Variants in OSBPL7 observed in about 807,000 individuals in gnomAD.
OSBPL7 encodes oxysterol-binding protein-related protein 7.
A neutral mutation model predicts 115.8 loss-of-function variants in OSBPL7; 66 were observed. The ratio of observed to expected loss-of-function variants is 0.57; its 90% CI spans 0.47 to 0.70. The LOEUF is 0.70. Ranked by LOEUF, OSBPL7 falls within the 30% of genes least tolerant of loss-of-function variation. The pLI, the probability that OSBPL7 is intolerant of heterozygous loss-of-function variation, is 0.00. For synonymous variants in OSBPL7, 441 were observed against 439.2 expected, an observed-to-expected ratio of 1.00 and a Z score of -0.05; for missense variants, 902 against 1,125.5, an observed-to-expected ratio of 0.80 and a Z score of 2.84.
chr17:47,818,912 C>T (rs557000422), intron 5 of OSBPL7, 74 bp downstream of exon 5: 3 of 1,299,392 alleles, frequency 2.3e-6, no homozygotes, highest in Middle Eastern at 2.2e-4. Context: ...AGACCCTCAG[C>T]CCCTGCCCCT....
At chr17:47,809,601 C>T in intron 18 of OSBPL7, 123 bp from the exon 19 acceptor site, 1 of 1,067,672 alleles carries the variant, frequency 9.4e-7, no homozygotes, top group South Asian at 1.6e-5. Context: ...GTCCCAACTC[C>T]AGTTCTGCAG....
In OSBPL7 at chr17:47,808,950, G is replaced by T; in HGVS notation, c.2211C>A (p.Thr737=). Residue 737 remains threonine, a synonymous_variant, in exon 21 of 23, where the codon ACC becomes ACA. Coordinates refer to ENST00000007414, the MANE Select transcript of OSBPL7 (RefSeq NM_145798.3). This position sits in a 1 kb window ranked among gnomAD's most constrained non-coding sequence, Gnocchi z 6.1. ...GCTCATTCAGCTCCAAGGCAAACTG[G>T]GTGAAGCCGAAGTTTCGCTCATGGT... ...PPDHERNFGF[T]QFALELNELT... The T allele has an allele frequency of 6.2e-7, 1 of 1,614,240 alleles. No homozygotes were observed. Among genetic ancestry groups the T allele is most frequent in the Non-Finnish European group, 8.5e-7 (1 of 1,180,048 alleles).
intron 16 of OSBPL7, among the ~76,000 whole-genome samples, chr17:47,811,872 C>T (rs955464865): frequency 3.9e-5 from 6 of 152,252 alleles, no homozygotes; most frequent in African/African-American, 1.4e-4. Flanking sequence ...CTCTTCTAGA[C>T]ACACACTTCG....
intron 7 of OSBPL7, 41 bp from the exon 8 acceptor site, chr17:47,817,400 T>C: frequency 6.8e-7 from 1 of 1,464,904 alleles, no homozygotes; most frequent in Non-Finnish European, 9.4e-7. Flanking sequence ...CCATTCATTT[T>C]TTTTTTGAGA....
intron 18 of OSBPL7, 113 bp from the exon 19 acceptor site, chr17:47,809,591 G>T: frequency 1.6e-6 from 2 of 1,245,602 alleles, no homozygotes; most frequent in Non-Finnish European, 1.1e-6. Flanking sequence ...GAACCCTGGG[G>T]TCCCAACTCC....
chr17:47,813,949 C>T (rs1277352171), intron 14 of OSBPL7, 115 bp from the exon 15 acceptor site: 1 of 1,363,620 alleles, frequency 7.3e-7, no homozygotes, highest in Non-Finnish European at 9.7e-7. Context: ...ACATTCGCCC[C>T]TGAGCCCTTG....
Position 47,816,139 on chromosome 17 carries a change from C to T in OSBPL7, c.1087G>A (p.Ala363Thr). ...HSLSTSSDTTADSFSSLNPEE... is the reference protein window; with the variant it reads ...HSLSTSSDTTTDSFSSLNPEE... ...GGGTTGAGGGAGCTGAAAGAGTCCG[C>T]CGTGGTGTCGGAGGAGGTGGACAGT... The change falls in exon 12 of 23, where the codon GCG becomes ACG. Residue 363 changes from alanine (A) to threonine (T), a missense_variant. Physicochemically the swap from Ala to Thr is moderately conservative, Grantham distance 58 (BLOSUM62 0). Coordinates refer to ENST00000007414, the MANE Select transcript of OSBPL7 (RefSeq NM_145798.3). The surrounding 1 kb of genome is among the most constrained non-coding windows in gnomAD (Gnocchi z 5.8). 1 of 1,551,188 alleles carries T rather than the reference C, an allele frequency of 6.4e-7. No individual in the cohort carries two copies.
chr17:47,816,944 A>G lies in OSBPL7; in HGVS notation c.703-72T>C, dbSNP rs2033240144. The G allele has an allele frequency of 6.9e-7, 1 of 1,459,536 alleles. No homozygotes were observed. The highest frequency in any genetic ancestry group is 9.6e-7 in the Non-Finnish European group (1 of 1,040,916). 90.4% of individuals were successfully genotyped at this position (1,459,536 alleles called of 1,614,324 possible). On this transcript the variant is annotated intron_variant, in intron 8 of 22. Coordinates refer to ENST00000007414, the MANE Select transcript of OSBPL7 (RefSeq NM_145798.3). This position sits in a 1 kb window ranked among gnomAD's most constrained non-coding sequence, Gnocchi z 5.8. ...GGGGCAGAAACCATCACAGCCTGGG[A>G]GAGGTAGACGGCCTCCTGCGCCATG...
chr17:47,813,647 C>G lies in OSBPL7; in HGVS notation c.1539G>C (p.Glu513Asp). 1 of 1,613,128 alleles carries G rather than the reference C, an allele frequency of 6.2e-7. No homozygotes were observed. Among genetic ancestry groups the G allele is most frequent in the Non-Finnish European group, 8.5e-7 (1 of 1,180,012 alleles). ...GGTCCAGGAGGCTGCTGTACTCCAG[C>G]TCCTCGCAGAGCCGCTGCAGAGTGT... is the stretch of plus-strand genomic sequence containing the variant. The part of the protein sequence containing the change: ...PLNTLQRLCE[E>D]LEYSSLLDQA... Residue 513 changes from glutamate to aspartate, a missense_variant, in exon 15 of 23, where the codon GAG becomes GAC. This residue lies in a region of OSBPL7 where 667 missense variants were observed against 788.7 expected (regional missense o/e 0.85). Transcript: ENST00000007414.
chr17:47,816,508 G>T lies in OSBPL7; in HGVS notation c.929-26C>A, dbSNP rs1222252033. The stretch of plus-strand genomic sequence containing the variant: ...CTACAGGGAGTGGGGCAGACCATCA[G>T]AGTCCTCGCTCGCTCCTGTCCGCTC... On this transcript the variant is annotated intron_variant, in intron 10 of 22. Coordinates refer to ENST00000007414, the MANE Select transcript of OSBPL7 (RefSeq NM_145798.3). This position sits in a 1 kb window ranked among gnomAD's most constrained non-coding sequence, Gnocchi z 5.8. The T allele has an allele frequency of 6.4e-7, 1 of 1,560,648 alleles. No homozygotes were observed.
In OSBPL7 at chr17:47,808,610, A is replaced by G. The variant is rs745722722; in HGVS notation, c.2348T>C (p.Ile783Thr). ...IQAAEAQKRR[I>T]EQLQRDRRKV... ...GCGCCTGTCTCGCTGCAGCTGCTCG[A>G]TCCTTCTCTTCTGGGCCTCAGCGGC... Residue 783 changes from isoleucine (I) to threonine (T), a missense_variant, in exon 22 of 23, where the codon ATC becomes ACC. Ile to Thr is a moderately conservative substitution (Grantham distance 89, BLOSUM62 -1). Transcript: ENST00000007414. The surrounding 1 kb of genome is among the most constrained non-coding windows in gnomAD (Gnocchi z 6.1). 1 of 1,614,112 alleles carries G rather than the reference A, an allele frequency of 6.2e-7. No homozygotes were observed. The highest frequency in any genetic ancestry group is 2.2e-5 in the East Asian group (1 of 44,876).
chr17:47,818,918 C>T (rs2033312894), intron 5 of OSBPL7, 68 bp downstream of exon 5: 1 of 1,345,392 alleles, frequency 7.4e-7, no homozygotes, highest in Non-Finnish European at 1.1e-6. Context: ...TCAGCCCCTG[C>T]CCCTGTGTGT....
intron 16 of OSBPL7, among the ~76,000 whole-genome samples, chr17:47,811,289 C>T (rs2033034175): frequency 6.6e-6 from 1 of 151,970 alleles, no homozygotes; most frequent in South Asian, 2.1e-4. Context: ...GGAATGGCTC[C>T]ACATCTGGAG....
chr17:47,809,657 G>A (rs531293927), intron 18 of OSBPL7, among the ~76,000 whole-genome samples, 179 bp from the exon 19 acceptor site: 192 of 152,302 alleles, frequency 1.3e-3, no homozygotes, highest in Non-Finnish European at 2.5e-3. Context: ...TTCACAGAAC[G>A]TATTCAACGA....
rs749676841 is a variant in OSBPL7, at chr17:47,816,528, C to G, written c.928+35G>C. ...CATCAGAGTCCTCGCTCGCTCCTGT[C>G]CGCTCCCCACCAGCCCCTCCCAGCA... On this transcript the variant is annotated intron_variant, in intron 10 of 22. Transcript: ENST00000007414. This position sits in a 1 kb window ranked among gnomAD's most constrained non-coding sequence, Gnocchi z 5.8. 2 of 1,588,008 alleles carry G rather than the reference C, an allele frequency of 1.3e-6. No homozygotes were observed. Among genetic ancestry groups the G allele is most frequent in the Non-Finnish European group, 1.7e-6 (2 of 1,167,122 alleles).
At chr17:47,813,201 C>T in intron 16 of OSBPL7, 65 bp downstream of exon 16, 1 of 1,594,638 alleles carries the variant, frequency 6.3e-7, no homozygotes, top group Non-Finnish European at 8.5e-7. Flanking sequence ...CAGTTCTGGT[C>T]CCAAAGCCCA....
In OSBPL7 at chr17:47,818,565, G is replaced by T. The variant is rs147551210; in HGVS notation, c.421C>A (p.Arg141Ser). 1 of 1,612,490 alleles carries T rather than the reference G, an allele frequency of 6.2e-7. No individual in the cohort carries two copies. Among genetic ancestry groups the T allele is most frequent in the Non-Finnish European group, 8.5e-7 (1 of 1,179,342 alleles). Residue 141 changes from arginine to serine, a missense_variant, in exon 6 of 23, where the codon CGC becomes AGC. Physicochemically the swap from Arg to Ser is moderately radical, Grantham distance 110. This residue lies in a region of OSBPL7 where 667 missense variants were observed against 788.7 expected (regional missense o/e 0.85). Coordinates refer to ENST00000007414, the MANE Select transcript of OSBPL7 (RefSeq NM_145798.3). The part of the protein sequence containing the change: ...QSWVAQLRAH[R>S]LAHRLDMPRG... ...GGCATGTCCAGGCGGTGGGCTAGGC[G>T]GTGGGCACGCAGCTGCGCCACCCAG...
At position 47,819,739 on chromosome 17, in the gene OSBPL7, G is replaced by A; in HGVS notation, c.245C>T (p.Thr82Ile). 1 of 1,614,098 alleles carries A rather than the reference G, an allele frequency of 6.2e-7. No homozygotes were observed. Among genetic ancestry groups the A allele is most frequent in the Non-Finnish European group, 8.5e-7 (1 of 1,180,006 alleles). ...LEDGILHYATTRQDITKGKLH... is the reference protein window; with the variant it reads ...LEDGILHYATIRQDITKGKLH... ...ACTGCCCGGGCTCACGTCTTGCCGG[G>A]TTGTTGCATAATGAAGGATCCCGTC... The change falls in exon 4 of 23, where the codon ACC becomes ATC. Residue 82 changes from threonine (T) to isoleucine (I), a missense_variant. By Grantham distance (89) the Thr-to-Ile change is moderately conservative. This residue lies in a region of OSBPL7 where 667 missense variants were observed against 788.7 expected (regional missense o/e 0.85). Transcript: ENST00000007414.
chr17:47,815,455 G>A (rs17700604), intron 12 of OSBPL7, 103 bp from the exon 13 acceptor site: 481,577 of 1,492,190 alleles, frequency 0.32, 84,936 homozygotes, highest in Non-Finnish European at 0.37. Flanking sequence ...AGGCATAACC[G>A]GGCACTTTTG....
Sources: gnomAD v4.1 joint callset for allele counts (sites outside exome capture counted in the v4.1 genomes callset) on GRCh38, gnomAD v4.1.1 for gene constraint, gnomAD v4.1.1 regional missense constraint, Gnocchi (gnomAD v3.1) non-coding constraint, MANE v1.5 for transcripts, NCBI Gene and HGNC (gene_info 2026-07-23, HGNC 2026-07-21) for gene names.